Variants in UVRAG observed in about 807,000 individuals in gnomAD.
The protein encoded by UVRAG is UV radiation resistance associated.
In UVRAG, 19 loss-of-function variants were observed where a neutral mutation model predicts 78.0. That is an observed-to-expected ratio of 0.24 (90% CI 0.17 to 0.36). The LOEUF (loss-of-function observed/expected upper bound fraction) is 0.36, where lower values mean the gene tolerates loss of function less well. UVRAG is among the 10% of genes least tolerant of loss of function. The probability of loss-of-function intolerance (pLI) is 1.00; values close to 1 mark genes in which losing one functional copy is unlikely to be tolerated. For synonymous variants in UVRAG, 323 were observed against 324.6 expected, an observed-to-expected ratio of 1.00 and a Z score of 0.05; for missense variants, 740 against 853.8, an observed-to-expected ratio of 0.87 and a Z score of 1.66.
At chr11:76,093,011 T>C (rs1951730313) in intron 13 of UVRAG, among the ~76,000 whole-genome samples, 1 of 152,348 alleles carries the variant, frequency 6.6e-6, no homozygotes, top group Admixed American at 6.5e-5. Flanking sequence ...TTAATTTTTG[T>C]ATAAGGTGTA....
intron 13 of UVRAG, among the ~76,000 whole-genome samples, chr11:76,109,016 C>G (rs1019505750): frequency 6.6e-6 from 1 of 152,160 alleles, no homozygotes; most frequent in Non-Finnish European, 1.5e-5. Context: ...CACTTAAAGA[C>G]TGCTTAGACT....
chr11:76,111,268 A>G (rs1212463515), intron 13 of UVRAG, among the ~76,000 whole-genome samples: 2 of 152,244 alleles, frequency 1.3e-5, no homozygotes, highest in Non-Finnish European at 2.9e-5. Context: ...AGAAGCCTTT[A>G]CGAAGCAATA....
intron 11 of UVRAG, chr11:76,012,793 ATGTTTGTGTGTG>A (rs1302086850): frequency 3.1e-5 from 4 of 128,018 alleles, no homozygotes; most frequent in Admixed American, 2.3e-4. Context: ...TAAAAAAAAA[ATGTTTGTGTGTG>A]TGTGTGTGTG....
intron 12 of UVRAG, among the ~76,000 whole-genome samples, chr11:76,064,316 A>C (rs542046977): frequency 9.8e-5 from 15 of 152,304 alleles, no homozygotes; most frequent in African/African-American, 3.6e-4. Flanking sequence ...ATTTTCTCTA[A>C]AGTGCCCCTG....
chr11:76,099,318 T>C (rs1951838612), intron 13 of UVRAG, among the ~76,000 whole-genome samples: 1 of 152,128 alleles, frequency 6.6e-6, no homozygotes, highest in African/African-American at 2.4e-5. Context: ...GCAAATTATT[T>C]TCTTGTTCTG....
chr11:75,920,371 A>G (rs192276287), intron 6 of UVRAG, among the ~76,000 whole-genome samples: 1 of 152,140 alleles, frequency 6.6e-6, no homozygotes, highest in Non-Finnish European at 1.5e-5. Context: ...ATTTGTATTT[A>G]TGTGCAGCAG....
rs1410746364 is a variant in UVRAG, at chr11:75,911,978, ATTC to A, written c.537_539del (p.Leu180del). 12 of 1,613,082 alleles carry A rather than the reference ATTC, an allele frequency of 7.4e-6. No individual in the cohort carries two copies. Among genetic ancestry groups the A allele is most frequent in the Admixed American group, 6.7e-5 (4 of 59,966 alleles). On this transcript the variant is annotated inframe_deletion, in exon 6 of 15. Coordinates refer to ENST00000356136, the MANE Select transcript of UVRAG (RefSeq NM_003369.4). Reference sequence around the variant, plus strand: ...GGGTTATTCAAATGCTCAGAAGACTATTCTTCTGCAGGTGGATCAGAACTGTGT... The same window carrying A: ...GGGTTATTCAAATGCTCAGAAGACTATTCTGCAGGTGGATCAGAACTGTGT...
intron 3 of UVRAG, among the ~76,000 whole-genome samples, chr11:75,877,888 C>T (rs1209207264): frequency 3.8e-4 from 55 of 144,780 alleles, no homozygotes; most frequent in African/African-American, 1.3e-3. Context: ...CCCTCCCGGA[C>T]GGGGCGGCTG....
At chr11:76,140,169 C>G (rs1952690415) in intron 14 of UVRAG, among the ~76,000 whole-genome samples, 2 of 136,132 alleles carry the variant, frequency 1.5e-5, no homozygotes, top group Middle Eastern at 3.6e-3. Flanking sequence ...TCTGCCAGTC[C>G]TCTAATGCAA....
At chr11:76,120,467 A>G (rs1952254014) in intron 14 of UVRAG, among the ~76,000 whole-genome samples, 1 of 152,188 alleles carries the variant, frequency 6.6e-6, no homozygotes, top group Non-Finnish European at 1.5e-5. Flanking sequence ...GTTCTAAGGT[A>G]CGGAGAAATT....
chr11:76,065,215 T>G (rs1187894612), intron 12 of UVRAG, among the ~76,000 whole-genome samples: 1 of 152,248 alleles, frequency 6.6e-6, no homozygotes, highest in East Asian at 1.9e-4. Context: ...ATGAATATTT[T>G]AATGAATTTT....
chr11:75,841,720 G>A (rs534470728), intron 1 of UVRAG, among the ~76,000 whole-genome samples: 1 of 152,192 alleles, frequency 6.6e-6, no homozygotes, highest in South Asian at 2.1e-4. Flanking sequence ...TTGCTAAATT[G>A]CCCTTGCTCC....
chr11:76,053,572 G>C (rs944309127), intron 12 of UVRAG, among the ~76,000 whole-genome samples: 7 of 151,828 alleles, frequency 4.6e-5, no homozygotes, highest in Admixed American at 1.3e-4. Flanking sequence ...GTTATTTCTG[G>C]CCTGGATTTT....
At chr11:75,974,808 T>C (rs1047027921) in intron 7 of UVRAG, among the ~76,000 whole-genome samples, 2 of 152,322 alleles carry the variant, frequency 1.3e-5, no homozygotes, top group Admixed American at 6.5e-5. Flanking sequence ...TTGCAAAAAT[T>C]TTCTCCCATT....
chr11:76,132,482 A>C (rs763896935), intron 14 of UVRAG, among the ~76,000 whole-genome samples: 1 of 152,152 alleles, frequency 6.6e-6, no homozygotes, highest in Non-Finnish European at 1.5e-5. Context: ...CTCTGTCCTC[A>C]TACTTTACAG....
chr11:75,829,720 G>T (rs1945611806), intron 1 of UVRAG, among the ~76,000 whole-genome samples: 1 of 152,224 alleles, frequency 6.6e-6, no homozygotes, highest in Non-Finnish European at 1.5e-5. Context: ...TACTCAACTG[G>T]TTGCTGTAGT....
chr11:75,929,287 C>A (rs1948180562), intron 6 of UVRAG, among the ~76,000 whole-genome samples: 2 of 152,136 alleles, frequency 1.3e-5, no homozygotes, highest in Non-Finnish European at 2.9e-5. Context: ...AATAAAATGT[C>A]ATTAGTGAGA....
chr11:75,874,279 A>C (rs1045258193), intron 3 of UVRAG, among the ~76,000 whole-genome samples: 32 of 151,532 alleles, frequency 2.1e-4, no homozygotes, highest in Non-Finnish European at 1.5e-5. Flanking sequence ...GAAAAAAAAA[A>C]CAACAACACA....
intron 12 of UVRAG, among the ~76,000 whole-genome samples, chr11:76,024,366 G>A (rs1364331032): frequency 6.6e-6 from 1 of 152,092 alleles, no homozygotes; most frequent in Non-Finnish European, 1.5e-5. Flanking sequence ...GCTGGTTTTA[G>A]GTGATTATGT....
Sources: allele counts gnomAD v4.1 joint callset (sites outside exome capture counted in the v4.1 genomes callset), GRCh38; gene constraint gnomAD v4.1.1; transcripts MANE v1.5; gene names NCBI Gene and HGNC (gene_info 2026-07-23, HGNC 2026-07-21).